STK32B: variants seen among roughly 807,000 people sequenced by gnomAD.
STK32B encodes serine/threonine-protein kinase 32B.
A neutral mutation model predicts 52.6 loss-of-function variants in STK32B; 43 were observed. That is an observed-to-expected ratio of 0.82 (90% CI 0.64 to 1.05). The LOEUF (loss-of-function observed/expected upper bound fraction) is 1.05, where lower values mean the gene tolerates loss of function less well. Among genes scored for constraint, STK32B ranks in the 50% least tolerant of loss-of-function variants. The pLI is 0.00. For missense variants in STK32B, 621 were observed against 534.6 expected, an observed-to-expected ratio of 1.16 and a Z score of -1.59; for synonymous variants, 238 against 204.3, an observed-to-expected ratio of 1.17 and a Z score of -1.41.
rs569146127 is a variant in STK32B at position 5,417,714 on chromosome 4, G to T, written c.562+780G>T. Among the ~76,000 whole-genome samples, 13 of 152,196 alleles carry T rather than the reference G, an allele frequency of 8.5e-5. No individual in the cohort carries two copies. In the East Asian group the frequency reaches 2.5e-3, roughly 29 times the overall value. ...AATATCTTTATTACGTGTTAATTCT[G>T]AATGTCTATATTGTTATCAATTACT... On this transcript the variant is annotated intron_variant, in intron 6 of 11. Transcript: ENST00000282908.
intron 11 of STK32B, among the ~76,000 whole-genome samples, chr4:5,495,935 A>C (rs1720195735): frequency 6.6e-6 from 1 of 152,040 alleles, no homozygotes; most frequent in South Asian, 2.1e-4. Context: ...GTTCCTCTGG[A>C]AATTTTGTCT....
intron 3 of STK32B, among the ~76,000 whole-genome samples, chr4:5,260,955 T>C (rs1175845231): frequency 6.6e-6 from 1 of 151,974 alleles, no homozygotes; most frequent in African/African-American, 2.4e-5. Flanking sequence ...TTGTCCTGAG[T>C]TGAGGTGAGA....
chr4:5,387,204 C>T (rs1736313701), intron 4 of STK32B, among the ~76,000 whole-genome samples: 1 of 152,184 alleles, frequency 6.6e-6, no homozygotes. Context: ...CGCTGATTGG[C>T]CTTGTACGGA....
intron 3 of STK32B, among the ~76,000 whole-genome samples, chr4:5,199,854 A>G (rs1484271587): frequency 6.8e-6 from 1 of 147,546 alleles, no homozygotes; most frequent in African/African-American, 2.5e-5. Context: ...GAGGAATGCC[A>G]TTTTTGAATT....
At chr4:5,316,658 TAA>T (rs1730831125) in intron 3 of STK32B, among the ~76,000 whole-genome samples, 1 of 9,892 alleles carries the variant, frequency 1.0e-4, no homozygotes, top group Non-Finnish European at 1.3e-4. Context: ...ATATAATATA[TAA>T]TATATATTAT....
intron 2 of STK32B, among the ~76,000 whole-genome samples, chr4:5,157,269 C>G (rs1301542724): frequency 1.3e-5 from 2 of 148,682 alleles, no homozygotes; most frequent in Non-Finnish European, 1.5e-5. Context: ...CTGCTCTGCC[C>G]TGGTCTTACT....
At chr4:5,397,820 A>G (rs567733532) in intron 4 of STK32B, among the ~76,000 whole-genome samples, 31 of 152,346 alleles carry the variant, frequency 2.0e-4, no homozygotes, top group African/African-American at 7.0e-4. Flanking sequence ...GCTCGAGTGG[A>G]TGCCATGACA....
intron 11 of STK32B, among the ~76,000 whole-genome samples, chr4:5,487,658 C>G (rs1479466843): frequency 6.6e-6 from 1 of 152,130 alleles, no homozygotes; most frequent in African/African-American, 2.4e-5. Flanking sequence ...TCAAAATAGC[C>G]TAGAGCAATT....
chr4:5,375,563 A>G (rs1322863785), intron 4 of STK32B, among the ~76,000 whole-genome samples: 3 of 151,996 alleles, frequency 2.0e-5, no homozygotes, highest in Admixed American at 6.6e-5. Flanking sequence ...TTGTCCTAAA[A>G]TTACTTCTTT....
intron 1 of STK32B, among the ~76,000 whole-genome samples, chr4:5,135,601 G>A (rs1261032129): frequency 1.3e-5 from 2 of 152,200 alleles, no homozygotes; most frequent in Admixed American, 6.5e-5. Flanking sequence ...TAAGTCCCAA[G>A]GTAAGTGGTT....
At chr4:5,278,776 GC>G (rs1728005213) in intron 3 of STK32B, among the ~76,000 whole-genome samples, 1 of 152,256 alleles carries the variant, frequency 6.6e-6, no homozygotes, top group African/African-American at 2.4e-5. Context: ...AGGAAGCATG[GC>G]TGGGAAGACC....
intron 4 of STK32B, among the ~76,000 whole-genome samples, chr4:5,365,307 C>T (rs1734808149): frequency 6.6e-6 from 1 of 152,210 alleles, no homozygotes; most frequent in African/African-American, 2.4e-5. Context: ...TCTGCCTCCT[C>T]CACCAGACCA....
At chr4:5,322,183 A>G (rs1227259621) in intron 3 of STK32B, among the ~76,000 whole-genome samples, 1 of 151,988 alleles carries the variant, frequency 6.6e-6, no homozygotes, top group African/African-American at 2.4e-5. Context: ...AATAATAATA[A>G]GCTTATCATT....
chr4:5,254,686 T>C (rs1234667476), intron 3 of STK32B, among the ~76,000 whole-genome samples: 1 of 152,176 alleles, frequency 6.6e-6, no homozygotes. Flanking sequence ...CTTTTTCTTA[T>C]TGAGTTCCAG....
intron 4 of STK32B, among the ~76,000 whole-genome samples, chr4:5,388,637 A>G (rs946575009): frequency 4.6e-5 from 7 of 152,196 alleles, no homozygotes; most frequent in Non-Finnish European, 7.3e-5. Context: ...TCACGGATCT[A>G]TCATTTCAAT....
intron 1 of STK32B, among the ~76,000 whole-genome samples, chr4:5,053,994 A>AATAAATAAAT (rs1553814636): frequency 2.6e-4 from 39 of 147,942 alleles, no homozygotes; most frequent in South Asian, 8.6e-4. Context: ...TAAATAAATA[A>AATAAATAAAT]ATAAATAAAT....
intron 6 of STK32B, among the ~76,000 whole-genome samples, chr4:5,443,786 A>G (rs1011506589): frequency 6.6e-6 from 1 of 152,036 alleles, no homozygotes; most frequent in South Asian, 2.1e-4. Flanking sequence ...TTTGGTGTGG[A>G]TGTCCTTTCT....
intron 3 of STK32B, among the ~76,000 whole-genome samples, chr4:5,319,861 C>G (rs943026723): frequency 6.6e-6 from 1 of 152,206 alleles, no homozygotes; most frequent in Admixed American, 6.5e-5. Context: ...GAGGATGTGG[C>G]TGCCTCTGCT....
intron 4 of STK32B, among the ~76,000 whole-genome samples, chr4:5,335,224 G>A (rs1341225600): frequency 6.6e-6 from 1 of 152,160 alleles, no homozygotes; most frequent in Non-Finnish European, 1.5e-5. Flanking sequence ...ATGTGTCGAG[G>A]AATTTATCCA....
Sources: allele counts gnomAD v4.1 joint callset (sites outside exome capture counted in the v4.1 genomes callset), GRCh38; gene constraint gnomAD v4.1.1; transcripts MANE v1.5; gene names NCBI Gene and HGNC (gene_info 2026-07-23, HGNC 2026-07-21).